The following KNL1 variants were observed in gnomAD, a reference collection of about 807,000 sequenced individuals.
The protein encoded by KNL1 is outer kinetochore KNL1 complex subunit KNL1.
In KNL1, 66 loss-of-function variants were observed where a neutral mutation model predicts 201.3. That is an observed-to-expected ratio of 0.33 (90% CI 0.27 to 0.40). The LOEUF (loss-of-function observed/expected upper bound fraction) is 0.40. KNL1 is among the 10% of genes least tolerant of loss of function. The probability of loss-of-function intolerance (pLI) is 1.00; values close to 1 mark genes in which losing one functional copy is unlikely to be tolerated. For synonymous variants in KNL1, 895 were observed against 899.2 expected, an observed-to-expected ratio of 1.00 and a Z score of 0.08; for missense variants, 2,815 against 2,690.5, an observed-to-expected ratio of 1.05 and a Z score of -1.02.
At chr15:40,628,374 A>G (rs909013039) in intron 11 of KNL1, among the ~76,000 whole-genome samples, 166 bp downstream of exon 11, 2 of 152,240 alleles carry the variant, frequency 1.3e-5, no homozygotes, top group Non-Finnish European at 2.9e-5. Context: ...TTAGTTTGTA[A>G]TGCACTGAGA....
chr15:40,646,817 A>C (rs34366107), intron 16 of KNL1, 170 bp from the exon 17 acceptor site: 1 of 406,112 alleles, frequency 2.5e-6, no homozygotes, highest in South Asian at 3.1e-5. Context: ...AGATGGCGCC[A>C]CTGCACTCCA....
intron 9 of KNL1, among the ~76,000 whole-genome samples, chr15:40,619,485 T>C (rs1892447758): frequency 6.6e-6 from 1 of 151,994 alleles, no homozygotes; most frequent in East Asian, 1.9e-4. Flanking sequence ...CATTGCAGCC[T>C]CAATCTTCTG....
chr15:40,637,845 T>C (rs1893102974), intron 13 of KNL1, among the ~76,000 whole-genome samples: 1 of 151,942 alleles, frequency 6.6e-6, no homozygotes, highest in Non-Finnish European at 1.5e-5. Context: ...GATATGTCAT[T>C]ATGTATATGC....
intron 17 of KNL1, among the ~76,000 whole-genome samples, chr15:40,647,340 T>C (rs898882692): frequency 1.3e-5 from 2 of 151,984 alleles, no homozygotes; most frequent in African/African-American, 4.8e-5. Flanking sequence ...CTGGGCGTGG[T>C]GACGGGCGCC....
chr15:40,625,369 A>C lies in KNL1; in HGVS notation c.5105A>C (p.Lys1702Thr). Reference protein sequence around the residue: ...KDSGIGSVAGKLNLSPSQYIN... With the variant: ...KDSGIGSVAGTLNLSPSQYIN... ...TCAGGCATTGGATCTGTTGCAGGTA[A>C]ACTGAACCTAAGTCCTTCTCAATAT... Residue 1702 changes from lysine to threonine, a missense_variant, in exon 10 of 26, where the codon AAA (lysine) becomes ACA (threonine). Physicochemically the swap from Lys to Thr is moderately conservative, Grantham distance 78. Coordinates refer to ENST00000399668, the MANE Select transcript of KNL1 (RefSeq NM_144508.5). The C allele has an allele frequency of 6.2e-7, 1 of 1,614,066 alleles. No homozygotes were observed. The highest frequency in any genetic ancestry group is 8.5e-7 in the Non-Finnish European group (1 of 1,179,964).
chr15:40,598,149 G>A (rs1424097121), intron 1 of KNL1, among the ~76,000 whole-genome samples: 1 of 150,580 alleles, frequency 6.6e-6, no homozygotes, highest in Non-Finnish European at 1.5e-5. Flanking sequence ...TCTCTAGCCT[G>A]GGCAACAAGA....
Position 40,622,618 on chromosome 15 carries a change from CTAAT to C in KNL1, c.2356_2359del (p.Asn786Ter). On this transcript the variant is annotated frameshift_variant, in exon 10 of 26. Coordinates refer to ENST00000399668, the MANE Select transcript of KNL1 (RefSeq NM_144508.5). LOFTEE classifies it high-confidence loss of function. The stretch of plus-strand genomic sequence containing the variant: ...TCTGAACTACAAGAACTTGGTAAAA[CTAAT>C]TTAGAACACACTACTGGCCAGCTAA... 6.2e-7 allele frequency: 1 copy of C among 1,603,310 alleles called. No individual in the cohort carries two copies.
At position 40,622,551 on chromosome 15, in the gene KNL1, G is replaced by A; in HGVS notation, c.2287G>A (p.Asp763Asn). 6.2e-7 allele frequency: 1 copy of A among 1,613,790 alleles called. No homozygotes were observed. The highest frequency in any genetic ancestry group is 2.2e-5 in the East Asian group (1 of 44,858). The change falls in exon 10 of 26, where the codon GAT becomes AAT. Residue 763 changes from aspartate (D) to asparagine (N), a missense_variant. This residue lies in a region of KNL1 where 2,464 missense variants were observed against 2,291.7 expected (regional missense o/e 1.08). Transcript: ENST00000399668. ...IICSEEEQNM[D>N]LTKSHTVVIG... ...ATGTTCAGAGGAAGAGCAAAATATGGATCTAACAAAGAGCCACACTGTCGT... is the reference window on the plus strand; with the variant it reads ...ATGTTCAGAGGAAGAGCAAAATATGAATCTAACAAAGAGCCACACTGTCGT...
chr15:40,597,868 G>A (rs1429093624), intron 1 of KNL1, among the ~76,000 whole-genome samples: 1 of 152,100 alleles, frequency 6.6e-6, no homozygotes, highest in Non-Finnish European at 1.5e-5. Context: ...TTGAACATGT[G>A]CACTGAATTT....
chr15:40,620,754 G>A lies in KNL1; in HGVS notation c.490G>A (p.Gly164Ser), dbSNP rs753227388. The change falls in exon 10 of 26, where the codon GGC (glycine) becomes AGC (serine). Residue 164 changes from glycine to serine, a missense_variant. By Grantham distance (56) the Gly-to-Ser change is moderately conservative. Transcript: ENST00000399668. ...AAGTCACACTGTAATGATTACCAAA[G>A]GCCTTTTAGATAATCCCATAAGTGA... ...TSSHTVMITKGLLDNPISEKS... is the reference protein window; with the variant it reads ...TSSHTVMITKSLLDNPISEKS... The A allele has an allele frequency of 7.4e-6, 12 of 1,612,562 alleles. No homozygotes were observed. Among genetic ancestry groups the A allele is most frequent in the Non-Finnish European group, 1.7e-6 (2 of 1,179,286 alleles).
intron 8 of KNL1, 136 bp downstream of exon 8, chr15:40,615,514 A>T: frequency 3.7e-6 from 1 of 271,716 alleles, no homozygotes; most frequent in Non-Finnish European, 7.3e-6. Flanking sequence ...CACGCCTGTA[A>T]TCCCAGTATT....
chr15:40,612,939 C>G (rs1166396605), intron 7 of KNL1, among the ~76,000 whole-genome samples: 1 of 152,122 alleles, frequency 6.6e-6, no homozygotes, highest in Non-Finnish European at 1.5e-5. Flanking sequence ...AATGCACATG[C>G]CCTTTGACTT....
chr15:40,603,066 T>C, intron 2 of KNL1, 100 bp downstream of exon 2: 1 of 770,382 alleles, frequency 1.3e-6, no homozygotes, highest in Non-Finnish European at 2.1e-6. Flanking sequence ...TCTTTTTCCA[T>C]TGTGTTCCAA....
At chr15:40,627,438 C>T (rs911261558) in intron 10 of KNL1, among the ~76,000 whole-genome samples, 3 of 150,326 alleles carry the variant, frequency 2.0e-5, no homozygotes, top group Non-Finnish European at 4.4e-5. Context: ...GGCGTGAACC[C>T]GGGAGGTGGA....
intron 8 of KNL1, among the ~76,000 whole-genome samples, chr15:40,616,788 T>A (rs1892357793): frequency 6.6e-6 from 1 of 152,214 alleles, no homozygotes; most frequent in African/African-American, 2.4e-5. Flanking sequence ...CCCATACTCC[T>A]TAGCAATGAG....
intron 10 of KNL1, 40 bp from the exon 11 acceptor site, chr15:40,628,030 A>G: frequency 7.0e-7 from 1 of 1,424,258 alleles, no homozygotes; most frequent in Non-Finnish European, 9.6e-7. Flanking sequence ...TATACAGTGT[A>G]TATTTTATTC....
Position 40,650,302 on chromosome 15 carries a change from A to C in KNL1, c.6096A>C (p.Glu2032Asp). Residue 2032 changes from glutamate (E) to aspartate (D), a missense_variant and splice_region_variant, in exon 18 of 26, where the codon GAA (glutamate) becomes GAC (aspartate). Glu to Asp is a conservative substitution (Grantham distance 45). Transcript: ENST00000399668. ...TCTAACAAATACTGTCTACTTTAGA[A>C]ACTAAGAATTTGGAGGATGAAGAGA... is the stretch of plus-strand genomic sequence containing the variant. ...IDNCLTEMET[E>D]TKNLEDEEKN... The C allele has an allele frequency of 6.3e-7, 1 of 1,593,254 alleles. No homozygotes were observed. The highest frequency in any genetic ancestry group is 1.1e-5 in the South Asian group (1 of 90,324).
chr15:40,608,290 A>G (rs1023800273), intron 4 of KNL1, among the ~76,000 whole-genome samples: 4 of 152,096 alleles, frequency 2.6e-5, no homozygotes, highest in African/African-American at 9.7e-5. Flanking sequence ...CCTAGTCAAC[A>G]TGGTGAAACC....
chr15:40,657,810 A>T (rs910564663), intron 24 of KNL1, among the ~76,000 whole-genome samples: 1 of 152,140 alleles, frequency 6.6e-6, no homozygotes. Flanking sequence ...TCATCTTAAC[A>T]TATTACTTGT....
Sources: allele counts gnomAD v4.1 joint callset (sites outside exome capture counted in the v4.1 genomes callset), GRCh38; gene constraint gnomAD v4.1.1; regional missense constraint gnomAD v4.1.1; transcripts MANE v1.5; gene names NCBI Gene and HGNC (gene_info 2026-07-23, HGNC 2026-07-21).